The following EFCAB6 variants were observed in gnomAD, a reference collection of about 807,000 sequenced individuals.
EFCAB6 encodes EF-hand calcium-binding domain-containing protein 6.
EFCAB6 carries 156 observed loss-of-function variants against 169.8 expected under a neutral mutation model. The ratio of observed to expected loss-of-function variants is 0.92; its 90% CI spans 0.81 to 1.05. The LOEUF (loss-of-function observed/expected upper bound fraction) is 1.05. Among genes scored for constraint, EFCAB6 ranks in the 50% least tolerant of loss-of-function variants. The pLI is 0.00. For synonymous variants in EFCAB6, 698 were observed against 676.4 expected, an observed-to-expected ratio of 1.03 and a Z score of -0.50; for missense variants, 1,800 against 1,829.1, an observed-to-expected ratio of 0.98 and a Z score of 0.29.
chr22:43,734,401 T>C (rs188734071), intron 7 of EFCAB6, among the ~76,000 whole-genome samples: 1 of 152,302 alleles, frequency 6.6e-6, no homozygotes, highest in East Asian at 1.9e-4. Context: ...ATCATGAAAA[T>C]AGCATTGTTT....
At position 43,555,140 on chromosome 22, in the gene EFCAB6, G is replaced by A. The variant is rs764315363; in HGVS notation, c.3421-44C>T. On this transcript the variant is annotated intron_variant, in intron 26 of 31. Transcript: ENST00000262726. ...AAATTGATCCATGTGAGAAATAATC[G>A]ACCACCTCTTGCTCTGGGCTCCTCA... 5.6e-6 allele frequency: 9 copies of A among 1,600,444 alleles called. No individual in the cohort carries two copies. In the South Asian group the frequency reaches 6.6e-5, roughly 12 times the overall value.
At chr22:43,639,690 T>C (rs1367969640) in intron 17 of EFCAB6, among the ~76,000 whole-genome samples, 1 of 152,212 alleles carries the variant, frequency 6.6e-6, no homozygotes, top group Non-Finnish European at 1.5e-5. Flanking sequence ...TTCACCAAAA[T>C]TGGGAAATTT....
In EFCAB6 at chr22:43,613,286, C is replaced by T. The variant is rs148826425; in HGVS notation, c.2562+2540G>A. On this transcript the variant is annotated intron_variant, in intron 21 of 31. Transcript: ENST00000262726. ...ATATTCATATCATATATTTATATAA[C>T]ACAAATATAAAGATACATGCACGGG... Among the ~76,000 whole-genome samples, 819 of 150,454 alleles carry T rather than the reference C, an allele frequency of 5.4e-3. 5 individuals carry two copies. The highest frequency in any genetic ancestry group is 0.016 in the South Asian group (75 of 4,766).
intron 20 of EFCAB6, among the ~76,000 whole-genome samples, chr22:43,618,782 G>T (rs1215626828): frequency 6.6e-6 from 1 of 152,168 alleles, no homozygotes; most frequent in African/African-American, 2.4e-5. Flanking sequence ...TTCTGAGACT[G>T]CACTTTTGTA....
chr22:43,751,642 CCA>C (rs1190187590), intron 6 of EFCAB6, among the ~76,000 whole-genome samples: 3 of 152,100 alleles, frequency 2.0e-5, no homozygotes, highest in Admixed American at 2.0e-4. Context: ...TCCCAAATGC[CCA>C]CTTGAAGTAG....
intron 17 of EFCAB6, among the ~76,000 whole-genome samples, chr22:43,646,198 A>G (rs2056146186): frequency 6.6e-6 from 1 of 152,234 alleles, no homozygotes; most frequent in Non-Finnish European, 1.5e-5. Flanking sequence ...AAATGGGCGC[A>G]ACAGGAAAAG....
intron 17 of EFCAB6, among the ~76,000 whole-genome samples, chr22:43,664,442 T>C (rs958916510): frequency 6.6e-6 from 1 of 152,132 alleles, no homozygotes; most frequent in Non-Finnish European, 1.5e-5. Flanking sequence ...ACAGACAGAA[T>C]GCAGAAACAA....
intron 10 of EFCAB6, among the ~76,000 whole-genome samples, chr22:43,687,876 C>G (rs2058262662): frequency 6.6e-6 from 1 of 152,176 alleles, no homozygotes; most frequent in African/African-American, 2.4e-5. Context: ...ATAATTCTTT[C>G]AAATTCATCA....
At chr22:43,581,662 T>C (rs2050734307) in intron 24 of EFCAB6, among the ~76,000 whole-genome samples, 1 of 152,234 alleles carries the variant, frequency 6.6e-6, no homozygotes, top group African/African-American at 2.4e-5. Context: ...TGGGCTCAAG[T>C]GTCAACGTAG....
intron 26 of EFCAB6, 38 bp from the exon 27 acceptor site, chr22:43,555,134 A>G: frequency 6.2e-7 from 1 of 1,606,546 alleles, no homozygotes; most frequent in Non-Finnish European, 8.5e-7. Context: ...CATGTGAGAA[A>G]TAATCGACCA....
At chr22:43,687,673 G>T in intron 10 of EFCAB6, 92 bp from the exon 11 acceptor site, 1 of 624,008 alleles carries the variant, frequency 1.6e-6, no homozygotes. Context: ...ATTGAAAATG[G>T]CAGCAATGCA....
At chr22:43,531,039 C>G (rs1403123147) in intron 30 of EFCAB6, 75 bp from the exon 31 acceptor site, 4 of 1,586,250 alleles carry the variant, frequency 2.5e-6, no homozygotes, top group African/African-American at 2.7e-5. Context: ...CCTCGCCTCG[C>G]CCCCGCCTCG....
intron 19 of EFCAB6, among the ~76,000 whole-genome samples, chr22:43,631,555 G>A (rs1380502354): frequency 6.6e-6 from 1 of 151,904 alleles, no homozygotes; most frequent in Non-Finnish European, 1.5e-5. Flanking sequence ...CCTCCTCCAG[G>A]GAGTCCTCCT....
intron 26 of EFCAB6, 102 bp downstream of exon 26, chr22:43,576,195 A>T (rs1168714566): frequency 1.0e-6 from 1 of 989,600 alleles, no homozygotes; most frequent in African/African-American, 1.7e-5. Context: ...ACATGAGGTG[A>T]TTGCCAATTT....
intron 13 of EFCAB6, among the ~76,000 whole-genome samples, chr22:43,673,868 C>T (rs925580654): frequency 1.3e-5 from 2 of 151,152 alleles, no homozygotes; most frequent in Non-Finnish European, 2.9e-5. Flanking sequence ...TAGACTAAAA[C>T]GTCATTATAT....
At chr22:43,688,934 T>C (rs1472064867) in intron 10 of EFCAB6, among the ~76,000 whole-genome samples, 2 of 152,216 alleles carry the variant, frequency 1.3e-5, no homozygotes, top group Admixed American at 6.5e-5. Flanking sequence ...GACAAACAAA[T>C]TCTTTATCTA....
chr22:43,608,336 G>C, intron 22 of EFCAB6, 146 bp downstream of exon 22: 1 of 683,720 alleles, frequency 1.5e-6, no homozygotes, highest in South Asian at 2.0e-5. Context: ...AACAAGGAAA[G>C]ACACAGGAGA....
intron 2 of EFCAB6, among the ~76,000 whole-genome samples, chr22:43,788,691 A>C (rs966497743): frequency 6.6e-6 from 1 of 152,254 alleles, no homozygotes; most frequent in Non-Finnish European, 1.5e-5. Flanking sequence ...AAAGTTAAAC[A>C]TAGAGTTGCC....
At chr22:43,611,234 T>C (rs2053277787) in intron 21 of EFCAB6, among the ~76,000 whole-genome samples, 1 of 152,160 alleles carries the variant, frequency 6.6e-6, no homozygotes, top group Non-Finnish European at 1.5e-5. Context: ...ATTAGGAATG[T>C]AATCCCATTC....
Sources: gnomAD v4.1 joint callset for allele counts (sites outside exome capture counted in the v4.1 genomes callset) on GRCh38, gnomAD v4.1.1 for gene constraint, MANE v1.5 for transcripts, NCBI Gene and HGNC (gene_info 2026-07-23, HGNC 2026-07-21) for gene names.